ZNF407: variants seen among roughly 807,000 people sequenced by gnomAD.
ZNF407 encodes the protein zinc finger protein 407.
ZNF407 carries 17 observed loss-of-function variants against 131.2 expected under a neutral mutation model. The ratio of observed to expected loss-of-function variants is 0.13; its 90% confidence interval spans 0.09 to 0.19. ZNF407 has a LOEUF of 0.19. Ranked by LOEUF, ZNF407 falls within the 10% of genes least tolerant of loss-of-function variation. The probability of loss-of-function intolerance (pLI) is 1.00; values close to 1 mark genes in which losing one functional copy is unlikely to be tolerated. For synonymous variants in ZNF407, 1,156 were observed against 1,062.0 expected (o/e 1.09, Z -1.72); for missense variants, 2,681 against 2,830.6 (o/e 0.95, Z 1.20).
chr18:74,743,798 TC>T (rs755284010), intron 3 of ZNF407, among the ~76,000 whole-genome samples: 192 of 152,140 alleles, frequency 1.3e-3, no homozygotes, highest in Non-Finnish European at 2.1e-3. Context: ...ATTAAAGGCT[TC>T]CTGCTTATAA....
At chr18:74,897,633 AT>A (rs897187559) in intron 7 of ZNF407, among the ~76,000 whole-genome samples, 3 of 151,628 alleles carry the variant, frequency 2.0e-5, no homozygotes, top group Admixed American at 6.6e-5. Context: ...AAAATAGAAA[AT>A]TTTTTTTTGG....
At chr18:74,721,191 T>C (rs1968028042) in intron 3 of ZNF407, among the ~76,000 whole-genome samples, 1 of 152,206 alleles carries the variant, frequency 6.6e-6, no homozygotes, top group South Asian at 2.1e-4. Flanking sequence ...CAGTTTTCCT[T>C]GTAGAGGTCT....
intron 3 of ZNF407, among the ~76,000 whole-genome samples, chr18:74,778,651 G>A (rs1313329893): frequency 5.3e-5 from 8 of 152,174 alleles, no homozygotes; most frequent in Admixed American, 5.2e-4. Context: ...ATGTGTGAAT[G>A]ACTAGCACTG....
In ZNF407 at chr18:75,064,335, C is replaced by T. The variant is rs771343458; in HGVS notation, c.6614C>T (p.Thr2205Met). 2.5e-5 allele frequency: 40 copies of T among 1,594,410 alleles called. No individual in the cohort carries two copies. The highest frequency in any genetic ancestry group is 2.9e-5 in the Non-Finnish European group (34 of 1,171,446). The part of the protein sequence containing the change: ...DSQELLQAGA[T>M]LGTEAGAPSR... The stretch of plus-strand genomic sequence containing the variant: ...CAGGAACTCCTGCAGGCCGGGGCCA[C>T]GCTAGGCACAGAGGCCGGGGCCCCA... Residue 2205 changes from threonine to methionine, a missense_variant, in exon 9 of 9, where the codon ACG becomes ATG. Thr to Met is a moderately conservative substitution (Grantham distance 81, BLOSUM62 -1). This residue lies in a region of ZNF407 where 620 missense variants were observed against 583.1 expected (regional missense o/e 1.06). Transcript: ENST00000299687.
At chr18:74,831,974 A>G (rs1371454405) in intron 4 of ZNF407, among the ~76,000 whole-genome samples, 1 of 152,216 alleles carries the variant, frequency 6.6e-6, no homozygotes, top group Admixed American at 6.5e-5. Flanking sequence ...GCCCGCTGTC[A>G]GTCTGGACTA....
chr18:74,617,573 A>T (rs1226331147), intron 1 of ZNF407, among the ~76,000 whole-genome samples: 2 of 152,088 alleles, frequency 1.3e-5, no homozygotes, highest in East Asian at 3.9e-4. Flanking sequence ...TAAACAATAC[A>T]TTCCTCTTTT....
At chr18:74,893,557 T>A (rs1448319638) in intron 7 of ZNF407, among the ~76,000 whole-genome samples, 1 of 152,188 alleles carries the variant, frequency 6.6e-6, no homozygotes, top group Non-Finnish European at 1.5e-5. Flanking sequence ...TACTTTCTTG[T>A]TGATGTGATG....
rs1274617768 is a variant in ZNF407, at chr18:75,065,113, C to T, written c.*645C>T. On this transcript the variant is annotated 3_prime_UTR_variant, in exon 9 of 9. Coordinates refer to ENST00000299687, the MANE Select transcript of ZNF407 (RefSeq NM_017757.3). Reference sequence around the variant, plus strand: ...AAACAGTTTAGGTGTATTTGTTGCTCTGGTCACATTCTGCATAAAAGAAAT... The same window carrying T: ...AAACAGTTTAGGTGTATTTGTTGCTTTGGTCACATTCTGCATAAAAGAAAT... 6.6e-6 allele frequency: 1 copy of T among 152,434 alleles called. No individual in the cohort carries two copies. Among genetic ancestry groups the T allele is most frequent in the Non-Finnish European group, 1.5e-5 (1 of 68,030 alleles). 9.4% of individuals were successfully genotyped at this position (152,434 alleles called of 1,614,324 possible).
intron 8 of ZNF407, among the ~76,000 whole-genome samples, chr18:74,940,307 G>T (rs1482604558): frequency 1.3e-5 from 2 of 152,146 alleles, no homozygotes; most frequent in African/African-American, 4.8e-5. Flanking sequence ...GAGCTTTGCG[G>T]GGGCACTGAG....
intron 8 of ZNF407, among the ~76,000 whole-genome samples, chr18:75,026,932 C>T (rs1973178019): frequency 1.3e-5 from 2 of 152,176 alleles, no homozygotes; most frequent in South Asian, 4.1e-4. Flanking sequence ...TACAGGACTA[C>T]ATCAGTAAAC....
chr18:74,912,685 C>G (rs1322759702), intron 7 of ZNF407, among the ~76,000 whole-genome samples: 2 of 152,004 alleles, frequency 1.3e-5, no homozygotes, highest in Admixed American at 1.3e-4. Flanking sequence ...AAATTTGGAA[C>G]AGTTGTTTTA....
At chr18:74,823,836 T>C (rs1046398376) in intron 4 of ZNF407, among the ~76,000 whole-genome samples, 1 of 152,206 alleles carries the variant, frequency 6.6e-6, no homozygotes, top group African/African-American at 2.4e-5. Context: ...ATTCAGGATT[T>C]GAACTCAGCT....
intron 3 of ZNF407, among the ~76,000 whole-genome samples, chr18:74,682,267 T>C (rs913104436): frequency 2.6e-5 from 4 of 152,190 alleles, no homozygotes; most frequent in African/African-American, 9.7e-5. Context: ...AGCATGTAAC[T>C]ACCTGAAGGA....
intron 4 of ZNF407, 52 bp from the exon 5 acceptor site, chr18:74,877,145 C>T (rs1971169607): frequency 3.8e-6 from 6 of 1,561,746 alleles, no homozygotes; most frequent in Admixed American, 1.7e-5. Context: ...CTGGGGCCTT[C>T]GGTGCTGGTG....
chr18:74,701,215 G>T (rs1008653844), intron 3 of ZNF407, among the ~76,000 whole-genome samples: 1 of 152,144 alleles, frequency 6.6e-6, no homozygotes, highest in African/African-American at 2.4e-5. Context: ...GAGGCTCCAG[G>T]CTGTGGTGTT....
intron 8 of ZNF407, among the ~76,000 whole-genome samples, chr18:74,951,614 C>T (rs966676211): frequency 2.6e-5 from 4 of 152,138 alleles, no homozygotes; most frequent in African/African-American, 9.7e-5. Context: ...TAACCTTAAA[C>T]ATGGCATTTT....
At chr18:74,738,926 GA>G (rs1302938402) in intron 3 of ZNF407, among the ~76,000 whole-genome samples, 3 of 152,018 alleles carry the variant, frequency 2.0e-5, no homozygotes, top group African/African-American at 4.8e-5. Flanking sequence ...CTGAAGTAAA[GA>G]AAATATATGA....
chr18:75,019,538 A>T (rs1325832644), intron 8 of ZNF407, among the ~76,000 whole-genome samples: 2 of 152,114 alleles, frequency 1.3e-5, no homozygotes, highest in Non-Finnish European at 2.9e-5. Context: ...TAGTAGTGTG[A>T]TGATAGCTCT....
intron 3 of ZNF407, among the ~76,000 whole-genome samples, chr18:74,741,518 C>G (rs1254053326): frequency 6.6e-6 from 1 of 151,962 alleles, no homozygotes; most frequent in Non-Finnish European, 1.5e-5. Flanking sequence ...TTTATAAGCT[C>G]TCTGAATAAA....
Sources: allele counts gnomAD v4.1 joint callset (sites outside exome capture counted in the v4.1 genomes callset), GRCh38; gene constraint gnomAD v4.1.1; regional missense constraint gnomAD v4.1.1; transcripts MANE v1.5; gene names NCBI Gene and HGNC (gene_info 2026-07-23, HGNC 2026-07-21).